Variants in OTUD7A observed in about 807,000 individuals in gnomAD.
OTUD7A encodes OTU domain-containing protein 7A.
OTUD7A carries 12 observed loss-of-function variants against 65.7 expected under a neutral mutation model. The observed-to-expected ratio is 0.18, with a 90% confidence interval of 0.12 to 0.30. The LOEUF is 0.30. Among genes scored for constraint, OTUD7A ranks in the 10% least tolerant of loss-of-function variants. OTUD7A has a pLI of 1.00. For missense variants in OTUD7A, 1,148 were observed against 1,304.8 expected (o/e 0.88, Z 1.85); for synonymous variants, 641 against 586.3 (o/e 1.09, Z -1.35).
At chr15:31,642,984 C>G (rs1261250708) in intron 3 of OTUD7A, among the ~76,000 whole-genome samples, 1 of 151,762 alleles carries the variant, frequency 6.6e-6, no homozygotes, top group Non-Finnish European at 1.5e-5. Flanking sequence ...TGATTTGAGG[C>G]CCTGCTTCTT....
chr15:31,483,528 C>A lies in OTUD7A; in HGVS notation c.2568G>T (p.Gln856His). The change falls in exon 13 of 13, where the codon CAG becomes CAT. Residue 856 changes from glutamine to histidine, a missense_variant. Transcript: ENST00000307050. ...GGGCGCCGAAGCCGTTGGTGTAGGT[C>A]TGCGACTTGTGCTCGGCCGCCCCCG... ...GTAGAAEHKS[Q>H]TYTNGFGALR... 2.2e-6 allele frequency: 3 copies of A among 1,380,026 alleles called. No homozygotes were observed. Among genetic ancestry groups the A allele is most frequent in the South Asian group, 2.9e-5 (2 of 69,954 alleles). 85.5% of individuals were successfully genotyped at this position (1,380,026 alleles called of 1,614,324 possible).
chr15:31,505,748 AT>A (rs58989170), intron 8 of OTUD7A, among the ~76,000 whole-genome samples: 2,676 of 145,280 alleles, frequency 0.018, 63 homozygotes, highest in African/African-American at 0.063. Flanking sequence ...ATTGAAGTTA[AT>A]TTTTTTTTTT....
chr15:31,739,505 A>T (rs1433075532), intron 1 of OTUD7A, among the ~76,000 whole-genome samples: 1 of 152,238 alleles, frequency 6.6e-6, no homozygotes, highest in Admixed American at 6.5e-5. Flanking sequence ...TGCCATTTCT[A>T]TGGTAATGTT....
At chr15:31,824,401 G>C (rs979308851) in intron 1 of OTUD7A, among the ~76,000 whole-genome samples, 5 of 152,106 alleles carry the variant, frequency 3.3e-5, no homozygotes, top group Non-Finnish European at 7.4e-5. Flanking sequence ...AACACACTGA[G>C]CATTCGGCAA....
chr15:31,699,433 T>C (rs928324850), intron 1 of OTUD7A, among the ~76,000 whole-genome samples: 1 of 152,212 alleles, frequency 6.6e-6, no homozygotes, highest in Non-Finnish European at 1.5e-5. Context: ...AGGTTCTGCC[T>C]GTTTGTCCTC....
At chr15:31,621,861 C>T (rs900021743) in intron 3 of OTUD7A, among the ~76,000 whole-genome samples, 8 of 151,878 alleles carry the variant, frequency 5.3e-5, no homozygotes, top group African/African-American at 7.3e-5. Context: ...TTCCTAGCAT[C>T]GATGGTCTTT....
At chr15:31,599,065 G>A (rs1889997085) in intron 3 of OTUD7A, among the ~76,000 whole-genome samples, 1 of 152,228 alleles carries the variant, frequency 6.6e-6, no homozygotes, top group Admixed American at 6.5e-5. Flanking sequence ...GGGAAGGGGT[G>A]GCTGTGGGCG....
At chr15:31,597,523 T>G (rs1453353278) in intron 3 of OTUD7A, among the ~76,000 whole-genome samples, 1 of 152,074 alleles carries the variant, frequency 6.6e-6, no homozygotes, top group Non-Finnish European at 1.5e-5. Context: ...GCACCTTTGT[T>G]GAAAAGACTT....
In OTUD7A at chr15:31,484,286, C is replaced by A; in HGVS notation, c.1810G>T (p.Gly604Cys). ...TTPSPTDKAA[G>C]ASPAEKGGGP... ...CCGCCCTTCTCCGCCGGCGACGCGC[C>A]CGCTGCCTTGTCTGTGGGCGACGGC... Residue 604 changes from glycine (G) to cysteine (C), a missense_variant, in exon 13 of 13, where the codon GGC (glycine) becomes TGC (cysteine). This residue lies in a region of OTUD7A where 842 missense variants were observed against 769.5 expected (regional missense o/e 1.09). Coordinates refer to ENST00000307050, the MANE Select transcript of OTUD7A (RefSeq NM_001382637.1). The surrounding 1 kb of genome is among the most constrained non-coding windows in gnomAD (Gnocchi z 4.5). The A allele has an allele frequency of 1.9e-6, 3 of 1,594,140 alleles. No homozygotes were observed. Among genetic ancestry groups the A allele is most frequent in the Non-Finnish European group, 2.6e-6 (3 of 1,174,618 alleles).
intron 8 of OTUD7A, among the ~76,000 whole-genome samples, chr15:31,523,303 G>T (rs1036805768): frequency 6.6e-6 from 1 of 152,222 alleles, no homozygotes; most frequent in Non-Finnish European, 1.5e-5. Context: ...GGGGCAGGAG[G>T]GTGGCAAAGT....
chr15:31,716,268 C>CAATAT (rs1566985633), intron 1 of OTUD7A, among the ~76,000 whole-genome samples: 1 of 27,832 alleles, frequency 3.6e-5, no homozygotes, highest in African/African-American at 5.9e-5. Context: ...TATTTATATA[C>CAATAT]ATTATATAAT....
intron 5 of OTUD7A, among the ~76,000 whole-genome samples, chr15:31,547,823 T>C (rs1888180084): frequency 6.6e-6 from 1 of 152,172 alleles, no homozygotes; most frequent in South Asian, 2.1e-4. Context: ...TTAGCTCTAA[T>C]CATAAACAAA....
At chr15:31,600,568 C>T (rs1293978285) in intron 3 of OTUD7A, among the ~76,000 whole-genome samples, 1 of 152,154 alleles carries the variant, frequency 6.6e-6, no homozygotes, top group Non-Finnish European at 1.5e-5. Flanking sequence ...AGCAAAATAA[C>T]CAGCTAGCAT....
intron 1 of OTUD7A, among the ~76,000 whole-genome samples, chr15:31,707,978 AC>A (rs918890967): frequency 2.0e-4 from 31 of 152,094 alleles, no homozygotes; most frequent in African/African-American, 7.5e-4. Flanking sequence ...GAAACTTCCA[AC>A]CCATCTGACC....
chr15:31,733,574 G>A (rs376936985), intron 1 of OTUD7A, among the ~76,000 whole-genome samples: 14 of 152,166 alleles, frequency 9.2e-5, no homozygotes, highest in South Asian at 4.1e-4. Context: ...TCTCTATCCC[G>A]AGCATGCCCG....
At chr15:31,860,679 A>G (rs112455942) in intron 1 of OTUD7A, among the ~76,000 whole-genome samples, 994 of 40,528 alleles carry the variant, frequency 0.025, 16 homozygotes, top group Non-Finnish European at 0.038. Flanking sequence ...GTATGTGTGT[A>G]TATATATATA....
At chr15:31,524,497 C>G (rs112910377) in intron 8 of OTUD7A, among the ~76,000 whole-genome samples, 1 of 152,120 alleles carries the variant, frequency 6.6e-6, no homozygotes, top group Admixed American at 6.5e-5. Context: ...GGAGAGAGTG[C>G]CTAGCACAGG....
chr15:31,809,941 C>T (rs1175471608), intron 1 of OTUD7A, among the ~76,000 whole-genome samples: 2 of 152,228 alleles, frequency 1.3e-5, no homozygotes, highest in Admixed American at 6.5e-5. Flanking sequence ...TCTAATTAGA[C>T]CCAGTAACAT....
chr15:31,854,891 A>C (rs2141008970), intron 1 of OTUD7A, among the ~76,000 whole-genome samples: 1 of 152,332 alleles, frequency 6.6e-6, no homozygotes, highest in African/African-American at 2.4e-5. Context: ...AAAGAAATGA[A>C]GAAATAAAAA....
Sources: gnomAD v4.1 joint callset for allele counts (sites outside exome capture counted in the v4.1 genomes callset) on GRCh38, gnomAD v4.1.1 for gene constraint, gnomAD v4.1.1 regional missense constraint, Gnocchi (gnomAD v3.1) non-coding constraint, MANE v1.5 for transcripts, NCBI Gene and HGNC (gene_info 2026-07-23, HGNC 2026-07-21) for gene names.